PCDHA6: variants seen among roughly 807,000 people sequenced by gnomAD.
The protein encoded by PCDHA6 is protocadherin alpha 6.
PCDHA6 carries 55 observed loss-of-function variants against 60.3 expected under a neutral mutation model. The ratio of observed to expected loss-of-function variants is 0.91; its 90% CI spans 0.73 to 1.14. The LOEUF is 1.14. Among genes scored for constraint, PCDHA6 ranks in the 50% most tolerant of loss-of-function variants. The pLI is 0.00. For missense variants in PCDHA6, 1,327 were observed against 1,256.5 expected, an observed-to-expected ratio of 1.06 and a Z score of -0.85; for synonymous variants, 652 against 557.9, an observed-to-expected ratio of 1.17 and a Z score of -2.38.
At chr5:140,843,478 T>C in intron 1 of PCDHA6, 1 of 1,595,862 alleles carries the variant, frequency 6.3e-7, no homozygotes, top group Non-Finnish European at 8.6e-7. Flanking sequence ...TGCTGTACAC[T>C]GCGCTGCGGT....
chr5:140,986,634 A>C (rs1587175680), intron 3 of PCDHA6, among the ~76,000 whole-genome samples: 3 of 152,202 alleles, frequency 2.0e-5, no homozygotes, highest in South Asian at 2.1e-4. Flanking sequence ...GCAACAGTAC[A>C]TTAGTTTTAG....
intron 1 of PCDHA6, chr5:140,857,366 G>T: frequency 6.3e-7 from 1 of 1,598,350 alleles, no homozygotes. Flanking sequence ...CACGGCCAGC[G>T]TGTCTGTGGA....
chr5:140,882,698 G>A (rs562320262), intron 1 of PCDHA6: 18 of 1,614,200 alleles, frequency 1.1e-5, no homozygotes, highest in Middle Eastern at 1.6e-4. Context: ...AATCATTGCA[G>A]AATCTAGACC....
intron 1 of PCDHA6, chr5:140,968,038 C>T (rs1554230238): frequency 8.7e-6 from 14 of 1,614,148 alleles, no homozygotes; most frequent in East Asian, 2.2e-5. Flanking sequence ...TGGTGGTGAG[C>T]GGCCCACTGG....
At chr5:140,923,495 C>T (rs1274980788) in intron 1 of PCDHA6, among the ~76,000 whole-genome samples, 2 of 152,060 alleles carry the variant, frequency 1.3e-5, no homozygotes, top group African/African-American at 4.8e-5. Context: ...CACCACTGCA[C>T]TCCAGCCTGG....
chr5:140,832,345 G>A (rs2150201218), intron 1 of PCDHA6, among the ~76,000 whole-genome samples: 8 of 152,168 alleles, frequency 5.3e-5, no homozygotes, highest in Non-Finnish European at 1.2e-4. Context: ...GTTGTGGTTT[G>A]TGTTTCCTAA....
At chr5:140,947,780 A>G (rs2094176112) in intron 1 of PCDHA6, among the ~76,000 whole-genome samples, 1 of 151,588 alleles carries the variant, frequency 6.6e-6, no homozygotes, top group Non-Finnish European at 1.5e-5. Flanking sequence ...TTGTAAATGG[A>G]TTTTAAACAG....
At chr5:140,966,692 G>A in intron 1 of PCDHA6, 2 of 1,352,080 alleles carry the variant, frequency 1.5e-6, no homozygotes, top group East Asian at 2.9e-5. Context: ...CGGAGGCGGG[G>A]CCCGGGCGTG....
In PCDHA6 at chr5:140,830,139, C is replaced by T. The variant is rs2150181764; in HGVS notation, c.2048C>T (p.Ser683Leu). The change falls in exon 1 of 4, where the codon TCG becomes TTG. Residue 683 changes from serine to leucine, a missense_variant. By Grantham distance (145) the Ser-to-Leu change is moderately radical (BLOSUM62 -2). Coordinates refer to ENST00000529310, the MANE Select transcript of PCDHA6 (RefSeq NM_018909.4). ...GCTCCAAAGGCGTCATCACGGGCGT[C>T]GGTGGGCGCCGCGGGCCCAGAGGCG... The part of the protein sequence containing the change: ...GQAPKASSRA[S>L]VGAAGPEAAL... The T allele has an allele frequency of 3.1e-6, 5 of 1,613,142 alleles. No homozygotes were observed. The highest frequency in any genetic ancestry group is 3.3e-5 in the Admixed American group (2 of 59,978).
At chr5:140,880,694 A>C (rs1254061280) in intron 1 of PCDHA6, among the ~76,000 whole-genome samples, 1 of 152,228 alleles carries the variant, frequency 6.6e-6, no homozygotes, top group Non-Finnish European at 1.5e-5. Context: ...AGTCATGGTT[A>C]AGTGACAATG....
At chr5:140,953,058 C>T (rs1186621578) in intron 1 of PCDHA6, among the ~76,000 whole-genome samples, 1 of 152,202 alleles carries the variant, frequency 6.6e-6, no homozygotes, top group African/African-American at 2.4e-5. Flanking sequence ...TCACCTCTCA[C>T]AGGCCCCATC....
chr5:140,849,674 C>G (rs138948867), intron 1 of PCDHA6: 2 of 1,598,596 alleles, frequency 1.3e-6, no homozygotes, highest in African/African-American at 2.7e-5. Flanking sequence ...CGCCCCACGT[C>G]CCCTTCAAGC....
At position 140,829,810 on chromosome 5, in the gene PCDHA6, T is replaced by C. The variant is rs144082627; in HGVS notation, c.1719T>C (p.Thr573=). The part of the protein sequence containing the change: ...PALLAPRVGG[T]GGAVSELVPR... The stretch of plus-strand genomic sequence containing the variant: ...TGCTGGCGCCTCGGGTGGGTGGTAC[T>C]GGTGGTGCAGTGAGCGAGCTGGTGC... Residue 573 remains threonine (T), a synonymous_variant, in exon 1 of 4, where the codon ACT becomes ACC. Transcript: ENST00000529310. The C allele has an allele frequency of 1.0e-3, 1,632 of 1,613,866 alleles. 19 individuals are homozygous for C. In the African/African-American group the frequency reaches 0.019, roughly 19 times the overall value.
intron 1 of PCDHA6, among the ~76,000 whole-genome samples, chr5:140,844,789 C>A (rs2150373812): frequency 6.7e-6 from 1 of 149,202 alleles, no homozygotes; most frequent in African/African-American, 2.4e-5. Flanking sequence ...TGGTATCTTT[C>A]AACATTTTCT....
intron 1 of PCDHA6, among the ~76,000 whole-genome samples, chr5:140,941,191 T>TTTTTTTCTTTCTTTCTTTC (rs1554213809): frequency 2.1e-5 from 2 of 93,258 alleles, no homozygotes; most frequent in Admixed American, 1.2e-4. Context: ...GCTTCTTTTT[T>TTTTTTTCTTTCTTTCTTTC]TTTCTTTCTT....
chr5:140,871,438 C>T, intron 1 of PCDHA6: 1 of 1,611,836 alleles, frequency 6.2e-7, no homozygotes. Context: ...TCCTCTAGGT[C>T]TGAATAAAGA....
At chr5:140,927,669 T>G in intron 1 of PCDHA6, 1 of 1,614,106 alleles carries the variant, frequency 6.2e-7, no homozygotes. Context: ...AAGCCTTGGA[T>G]CCAGATGAAG....
At chr5:140,973,273 C>A (rs1180418925) in intron 1 of PCDHA6, among the ~76,000 whole-genome samples, 1 of 152,150 alleles carries the variant, frequency 6.6e-6, no homozygotes, top group Non-Finnish European at 1.5e-5. Flanking sequence ...ACTTTTATTT[C>A]CCCCAGCACT....
intron 1 of PCDHA6, among the ~76,000 whole-genome samples, chr5:140,890,365 T>A: frequency 6.6e-6 from 1 of 152,216 alleles, no homozygotes; most frequent in Non-Finnish European, 1.5e-5. Context: ...ATGGATAACC[T>A]GAACAAGTAC....
Sources: allele counts gnomAD v4.1 joint callset (sites outside exome capture counted in the v4.1 genomes callset), GRCh38; gene constraint gnomAD v4.1.1; transcripts MANE v1.5; gene names NCBI Gene and HGNC (gene_info 2026-07-23, HGNC 2026-07-21).